Variants in CDCA7L observed in about 807,000 individuals in gnomAD.
The protein encoded by CDCA7L is cell division cycle-associated 7-like protein.
In CDCA7L, 44 loss-of-function variants were observed where a neutral mutation model predicts 57.4. The observed-to-expected ratio is 0.77, with a 90% CI of 0.60 to 0.98. The LOEUF (loss-of-function observed/expected upper bound fraction) is 0.98. CDCA7L is among the 50% of genes least tolerant of loss of function. The pLI is 0.00. For missense variants in CDCA7L, 644 were observed against 580.6 expected (o/e 1.11, Z -1.12); for synonymous variants, 236 against 202.8 (o/e 1.16, Z -1.39).
chr7:21,942,029 G>A (rs1275709886), intron 1 of CDCA7L, among the ~76,000 whole-genome samples: 1 of 152,176 alleles, frequency 6.6e-6, no homozygotes, highest in Non-Finnish European at 1.5e-5. Flanking sequence ...CTGGTAGAGA[G>A]TGTGGGGAAA....
chr7:21,937,229 G>C (rs550820900), intron 1 of CDCA7L, among the ~76,000 whole-genome samples: 15 of 152,296 alleles, frequency 9.8e-5, no homozygotes, highest in Admixed American at 5.2e-4. Flanking sequence ...GCTATGTACA[G>C]ACTCAATGTA....
intron 2 of CDCA7L, among the ~76,000 whole-genome samples, chr7:21,916,332 G>A (rs1323182691): frequency 2.6e-5 from 4 of 151,952 alleles, no homozygotes; most frequent in Non-Finnish European, 4.4e-5. Context: ...ATTCCAAGAG[G>A]ACATGCCAAC....
chr7:21,911,926 C>G (rs1000860526), intron 2 of CDCA7L, among the ~76,000 whole-genome samples, 172 bp from the exon 3 acceptor site: 1 of 151,118 alleles, frequency 6.6e-6, no homozygotes, highest in Non-Finnish European at 1.5e-5. Flanking sequence ...TCAAAAACAG[C>G]TGAAATGATA....
At position 21,911,697 on chromosome 7, in the gene CDCA7L, C is replaced by G. The variant is rs1337631936; in HGVS notation, c.223G>C (p.Glu75Gln). ...TCCTCAGTCTCTGAGTCAGTGTCCT[C>G]TATAAAAATTCTTCTTAGCTCTTCT... ...FTEELRRIFI[E>Q]DTDSETEDFA... Residue 75 changes from glutamate (E) to glutamine (Q), a missense_variant, in exon 3 of 10, where the codon GAG (glutamate) becomes CAG (glutamine). Physicochemically the swap from Glu to Gln is conservative, Grantham distance 29. Coordinates refer to ENST00000406877, the MANE Select transcript of CDCA7L (RefSeq NM_018719.5). 1 of 1,613,742 alleles carries G rather than the reference C, an allele frequency of 6.2e-7. No individual in the cohort carries two copies. Among genetic ancestry groups the G allele is most frequent in the African/African-American group, 1.3e-5 (1 of 74,900 alleles).
In CDCA7L at chr7:21,908,313, C is replaced by A; in HGVS notation, c.498G>T (p.Leu166Phe). ...CATTCTGTAAGCGTGCGCTAGAAAA[C>A]AACTGCTCGGAAGAACTGTTTTTAT... ...KPDKNSSSEQ[L>F]FSSARLQNEK... Residue 166 changes from leucine to phenylalanine, a missense_variant, in exon 4 of 10, where the codon TTG becomes TTT. By Grantham distance (22) the Leu-to-Phe change is conservative. Coordinates refer to ENST00000406877, the MANE Select transcript of CDCA7L (RefSeq NM_018719.5). The A allele has an allele frequency of 6.2e-7, 1 of 1,609,596 alleles. No individual in the cohort carries two copies. Among genetic ancestry groups the A allele is most frequent in the Non-Finnish European group, 8.5e-7 (1 of 1,178,856 alleles).
intron 1 of CDCA7L, chr7:21,944,740 G>C (rs973957419): frequency 2.0e-5 from 3 of 152,056 alleles, no homozygotes; most frequent in Admixed American, 6.5e-5. Flanking sequence ...CTCGGGCGCC[G>C]GGCACTCTGC....
intron 9 of CDCA7L, 187 bp downstream of exon 9, chr7:21,902,791 G>A (rs764630670): frequency 5.2e-6 from 3 of 577,194 alleles, no homozygotes; most frequent in Non-Finnish European, 8.8e-6. Context: ...CAAAGGAGAA[G>A]ATTCCCTAAT....
intron 1 of CDCA7L, among the ~76,000 whole-genome samples, chr7:21,932,217 C>T (rs1786039397): frequency 6.6e-6 from 1 of 152,096 alleles, no homozygotes; most frequent in African/African-American, 2.4e-5. Flanking sequence ...ATGAAAATGG[C>T]CATACTGCCC....
In CDCA7L at chr7:21,902,131, TTCCTC is replaced by T; in HGVS notation, c.*186_*190del. ...AGGTCTGTGCATACATCTATATAGA[TTCCTC>T]TGCTCTGCTGTCTTCCTGAGAAATC... On this transcript the variant is annotated 3_prime_UTR_variant, in exon 10 of 10. Coordinates refer to ENST00000406877, the MANE Select transcript of CDCA7L (RefSeq NM_018719.5). 3.2e-6 allele frequency: 2 copies of T among 630,786 alleles called. No homozygotes were observed. Among genetic ancestry groups the T allele is most frequent in the Admixed American group, 2.8e-5 (1 of 36,064 alleles). 39.1% of individuals were successfully genotyped at this position (630,786 alleles called of 1,614,324 possible).
Position 21,901,077 on chromosome 7 carries a change from G to A in CDCA7L, c.*1245C>T, listed in dbSNP as rs201444942. The A allele has an allele frequency of 3.7e-4, 598 of 1,613,806 alleles. 1 individual carries two copies. Among genetic ancestry groups the A allele is most frequent in the South Asian group, 1.6e-4 (15 of 91,070 alleles). On this transcript the variant is annotated 3_prime_UTR_variant, in exon 10 of 10. Transcript: ENST00000406877. Reference sequence around the variant, plus strand: ...TCAAGGAGCTGGCATGCCCTATGCCGGTCATCTTTGCAAAAGCCACCCCCG... The same window carrying A: ...TCAAGGAGCTGGCATGCCCTATGCCAGTCATCTTTGCAAAAGCCACCCCCG...
At chr7:21,910,727 AAAAC>A (rs1208276659) in intron 3 of CDCA7L, among the ~76,000 whole-genome samples, 1 of 152,230 alleles carries the variant, frequency 6.6e-6, no homozygotes, top group Admixed American at 6.5e-5. Flanking sequence ...TGTGCAGGAT[AAAAC>A]AAACAAATAA....
chr7:21,908,557 C>T (rs758047531), intron 3 of CDCA7L, 50 bp from the exon 4 acceptor site: 76 of 1,386,788 alleles, frequency 5.5e-5, no homozygotes, highest in Non-Finnish European at 6.9e-5. Context: ...TACAGACCCA[C>T]AAAAAAGACA....
chr7:21,908,799 C>G (rs896075837), intron 3 of CDCA7L, among the ~76,000 whole-genome samples: 1 of 152,126 alleles, frequency 6.6e-6, no homozygotes, highest in African/African-American at 2.4e-5. Context: ...GGGTGGGTTC[C>G]TCCACCGTGG....
intron 1 of CDCA7L, among the ~76,000 whole-genome samples, chr7:21,938,463 A>G (rs1030046951): frequency 1.3e-5 from 2 of 152,160 alleles, no homozygotes; most frequent in African/African-American, 4.8e-5. Flanking sequence ...ATATAAAATG[A>G]CACAGCCACT....
intron 1 of CDCA7L, among the ~76,000 whole-genome samples, chr7:21,943,937 A>T (rs1450250001): frequency 6.6e-6 from 1 of 152,240 alleles, no homozygotes; most frequent in Non-Finnish European, 1.5e-5. Context: ...AGCATGAATT[A>T]TGAATATCAG....
Position 21,945,897 on chromosome 7 carries a change from A to G in CDCA7L, c.-93T>C. 7.2e-7 allele frequency: 1 copy of G among 1,394,854 alleles called. No individual in the cohort carries two copies. Among genetic ancestry groups the G allele is most frequent in the Admixed American group, 2.6e-5 (1 of 38,992 alleles). The allele number at this position is 1,394,854 out of a possible 1,614,324, so 86.4% of individuals were successfully genotyped here. A position where few individuals can be genotyped will look rare whatever the true frequency, so the allele number is the denominator to read the frequency against. ...GCGCACCAAGAACGCCCCGCGCCCG[A>G]GCAGCTAGCGCGCTCCGCCCGGAGC... is the stretch of plus-strand genomic sequence containing the variant. On this transcript the variant is annotated 5_prime_UTR_variant, in exon 1 of 10. Transcript: ENST00000406877.
intron 1 of CDCA7L, among the ~76,000 whole-genome samples, chr7:21,940,537 G>C (rs1321285817): frequency 2.0e-5 from 3 of 152,214 alleles, no homozygotes; most frequent in Admixed American, 6.5e-5. Flanking sequence ...AACAATTCCA[G>C]TGTGGTATGA....
rs145238615 is a variant in CDCA7L, at chr7:21,906,435, C to T, written c.775G>A (p.Ala259Thr). Residue 259 changes from alanine to threonine, a missense_variant, in exon 6 of 10, where the codon GCC becomes ACC. Ala to Thr is a moderately conservative substitution (Grantham distance 58). Transcript: ENST00000406877. ...SASRKKTVRR[A>T]FSEGQITRRM... ...CGCGTGATCTGTCCCTCCGAGAAGG[C>T]CCGCCTCACTGTCTTCTTCCTCTGA... 56 of 1,610,514 alleles carry T rather than the reference C, an allele frequency of 3.5e-5. No individual in the cohort carries two copies. In the African/African-American group the frequency reaches 4.9e-4, roughly 14 times the overall value.
In CDCA7L at chr7:21,901,902, A is replaced by G. The variant is rs1784890354; in HGVS notation, c.*420T>C. The G allele has an allele frequency of 4.7e-6, 1 of 211,910 alleles. No individual in the cohort carries two copies. Among genetic ancestry groups the G allele is most frequent in the Non-Finnish European group, 9.6e-6 (1 of 104,094 alleles). 13.1% of individuals were successfully genotyped at this position (211,910 alleles called of 1,614,324 possible). A position where few individuals can be genotyped will look rare whatever the true frequency, so the allele number is the denominator to read the frequency against. On this transcript the variant is annotated 3_prime_UTR_variant, in exon 10 of 10. Transcript: ENST00000406877. ...GCAGGTTAAACGATGTGTGTGGTCTATTAAACTGTGGTCACTCGTGCTAAG... is the reference window on the plus strand; with the variant it reads ...GCAGGTTAAACGATGTGTGTGGTCTGTTAAACTGTGGTCACTCGTGCTAAG...
Sources: allele counts gnomAD v4.1 joint callset (sites outside exome capture counted in the v4.1 genomes callset), GRCh38; gene constraint gnomAD v4.1.1; transcripts MANE v1.5; gene names NCBI Gene and HGNC (gene_info 2026-07-23, HGNC 2026-07-21).